The following TMEM39B variants were observed in gnomAD, a reference collection of about 807,000 sequenced individuals.
TMEM39B encodes the protein transmembrane protein 39B.
A neutral mutation model predicts 52.2 loss-of-function variants in TMEM39B; 23 were observed. The ratio of observed to expected loss-of-function variants is 0.44; its 90% CI spans 0.32 to 0.62. The LOEUF (loss-of-function observed/expected upper bound fraction) is 0.62. Among genes scored for constraint, TMEM39B ranks in the 20% least tolerant of loss-of-function variants. TMEM39B has a pLI of 0.06. For missense variants in TMEM39B, 547 were observed against 642.0 expected, an observed-to-expected ratio of 0.85 and a Z score of 1.60; for synonymous variants, 285 against 264.0, an observed-to-expected ratio of 1.08 and a Z score of -0.77.
intron 5 of TMEM39B, among the ~76,000 whole-genome samples, chr1:32,089,854 A>G (rs571486053): frequency 5.3e-5 from 8 of 151,478 alleles, no homozygotes; most frequent in Admixed American, 2.0e-4. Context: ...ACATCATGAA[A>G]CCCCATCTCT....
At chr1:32,100,761 C>A (rs1640992577) in intron 8 of TMEM39B, 199 bp downstream of exon 8, 2 of 670,172 alleles carry the variant, frequency 3.0e-6, no homozygotes, top group Non-Finnish European at 2.5e-6. Context: ...CATGGTGGCT[C>A]ACGCCTGTAA....
At chr1:32,100,077 C>T (rs188372663) in intron 7 of TMEM39B, among the ~76,000 whole-genome samples, 1 of 151,948 alleles carries the variant, frequency 6.6e-6, no homozygotes, top group African/African-American at 2.4e-5. Context: ...GAGTTTTAAG[C>T]AGAGGGTGGT....
intron 5 of TMEM39B, among the ~76,000 whole-genome samples, chr1:32,087,267 G>A (rs1223967144): frequency 2.1e-5 from 3 of 140,336 alleles, no homozygotes; most frequent in Non-Finnish European, 3.0e-5. Flanking sequence ...GCAGTGAGCC[G>A]AGAATGCACG....
At chr1:32,096,156 T>A (rs1640798603) in intron 7 of TMEM39B, among the ~76,000 whole-genome samples, 1 of 152,128 alleles carries the variant, frequency 6.6e-6, no homozygotes, top group Non-Finnish European at 1.5e-5. Flanking sequence ...CCTTCAGGAT[T>A]TTGCATGTGA....
At chr1:32,076,980 T>C (rs1639889978) in intron 4 of TMEM39B, 134 bp downstream of exon 4, 2 of 1,271,576 alleles carry the variant, frequency 1.6e-6, no homozygotes, top group African/African-American at 1.5e-5. Flanking sequence ...TGAAGAACAT[T>C]AGTTACATCC....
intron 5 of TMEM39B, among the ~76,000 whole-genome samples, chr1:32,088,947 A>G (rs955586314): frequency 6.6e-6 from 1 of 152,010 alleles, no homozygotes; most frequent in Non-Finnish European, 1.5e-5. Context: ...ATTCTGGGCC[A>G]GAAACTATGC....
intron 7 of TMEM39B, among the ~76,000 whole-genome samples, chr1:32,097,516 G>C (rs1388336344): frequency 1.3e-5 from 2 of 151,816 alleles, no homozygotes; most frequent in Non-Finnish European, 2.9e-5. Flanking sequence ...ATTTTTAGTA[G>C]AGATGGGGTT....
At chr1:32,101,080 G>C (rs1391503859) in intron 8 of TMEM39B, among the ~76,000 whole-genome samples, 1 of 152,102 alleles carries the variant, frequency 6.6e-6, no homozygotes, top group African/African-American at 2.4e-5. Flanking sequence ...AGATCTTTGA[G>C]AACATTGGAC....
At chr1:32,082,103 TA>T (rs1310968326) in intron 5 of TMEM39B, among the ~76,000 whole-genome samples, 2 of 151,780 alleles carry the variant, frequency 1.3e-5, no homozygotes, top group African/African-American at 4.8e-5. Context: ...TAAGTATCCC[TA>T]TACTTTTTTT....
At chr1:32,083,455 C>T (rs560889491) in intron 5 of TMEM39B, among the ~76,000 whole-genome samples, 93 of 123,796 alleles carry the variant, frequency 7.5e-4, no homozygotes, top group Middle Eastern at 5.5e-3. Context: ...GGAGATTCGC[C>T]GTTGTTGCCC....
chr1:32,102,755 G>C lies in TMEM39B; in HGVS notation c.*82G>C, dbSNP rs961408040. ...GGGGCTGTTGGGTAGAAGTGGTGGT[G>C]GGGGGGACAAAAGACAAAAAAATCC... On this transcript the variant is annotated 3_prime_UTR_variant, in exon 9 of 9. Transcript: ENST00000336294. 4.4e-6 allele frequency: 6 copies of C among 1,366,840 alleles called. No individual in the cohort carries two copies. Among genetic ancestry groups the C allele is most frequent in the East Asian group, 2.6e-5 (1 of 38,084 alleles). 84.7% of individuals were successfully genotyped at this position (1,366,840 alleles called of 1,614,324 possible).
intron 5 of TMEM39B, among the ~76,000 whole-genome samples, chr1:32,080,424 G>C (rs1640046530): frequency 1.3e-5 from 2 of 151,856 alleles, no homozygotes; most frequent in African/African-American, 4.8e-5. Flanking sequence ...CCAGCACTTT[G>C]GGAGGCTGAG....
chr1:32,099,784 C>T (rs780512187), intron 7 of TMEM39B, among the ~76,000 whole-genome samples: 14 of 152,140 alleles, frequency 9.2e-5, no homozygotes, highest in South Asian at 2.1e-4. Context: ...CTGTGGCTGA[C>T]GCCTGTAATC....
intron 1 of TMEM39B, chr1:32,073,467 T>G: frequency 1.1e-6 from 1 of 893,050 alleles, no homozygotes; most frequent in African/African-American, 1.8e-5. Context: ...GGGAGCCCAT[T>G]CTGGAGTGGG....
chr1:32,083,409 CTTTTTTTTTTTTTTTTT>C (rs1052027069), intron 5 of TMEM39B, among the ~76,000 whole-genome samples: 73 of 54,622 alleles, frequency 1.3e-3, no homozygotes, highest in African/African-American at 4.2e-3. Flanking sequence ...TAAAGGACTT[CTTTTTTTTTTTTTTTTT>C]TTTTTTTTTT....
intron 6 of TMEM39B, among the ~76,000 whole-genome samples, chr1:32,093,573 G>T (rs112127318): frequency 0.018 from 2,638 of 148,928 alleles, 61 homozygotes; most frequent in African/African-American, 0.061. Flanking sequence ...CACCATGCCC[G>T]GCTAATTTTT....
chr1:32,077,144 C>T lies in TMEM39B; in HGVS notation c.436-20C>T, dbSNP rs1320457435. ...GCCTCCATCCAAGGCCCCATCCCGTCCTATCTTGCCCCGACCCAGGCCTCT... is the reference window on the plus strand; with the variant it reads ...GCCTCCATCCAAGGCCCCATCCCGTTCTATCTTGCCCCGACCCAGGCCTCT... On this transcript the variant is annotated intron_variant, in intron 4 of 8. Transcript: ENST00000336294. The T allele has an allele frequency of 7.4e-6, 12 of 1,613,536 alleles. No homozygotes were observed. Among genetic ancestry groups the T allele is most frequent in the Non-Finnish European group, 1.0e-5 (12 of 1,179,776 alleles).
At chr1:32,102,305 C>T (rs1474463992) in intron 8 of TMEM39B, 126 bp from the exon 9 acceptor site, 2 of 1,330,488 alleles carry the variant, frequency 1.5e-6, no homozygotes, top group African/African-American at 1.5e-5. Context: ...AGAAAGTCTT[C>T]TTCCCCACCC....
chr1:32,100,318 A>G (rs1310127209), intron 7 of TMEM39B, 124 bp from the exon 8 acceptor site: 5 of 1,119,134 alleles, frequency 4.5e-6, no homozygotes, highest in East Asian at 5.4e-5. Context: ...CAGAAAAGGA[A>G]AGTCAGCGTG....
Sources: allele counts gnomAD v4.1 joint callset (sites outside exome capture counted in the v4.1 genomes callset), GRCh38; gene constraint gnomAD v4.1.1; transcripts MANE v1.5; gene names NCBI Gene and HGNC (gene_info 2026-07-23, HGNC 2026-07-21).